The following MMAA variants were observed in gnomAD, a reference collection of about 807,000 sequenced individuals.
MMAA encodes the protein metabolism of cobalamin associated A.
Under a neutral mutation model 45.0 loss-of-function variants are expected in MMAA, and 41 were observed. The ratio of observed to expected loss-of-function variants is 0.91; its 90% confidence interval spans 0.71 to 1.18. MMAA has a LOEUF of 1.18. MMAA is among the 50% of genes most tolerant of loss of function. MMAA has a pLI of 0.00. For missense variants in MMAA, 460 were observed against 495.7 expected, an observed-to-expected ratio of 0.93 and a Z score of 0.68; for synonymous variants, 154 against 178.2, an observed-to-expected ratio of 0.86 and a Z score of 1.08.
chr4:145,619,540 A>T (rs1028115493), intron 1 of MMAA, 133 bp downstream of exon 1: 1 of 152,140 alleles, frequency 6.6e-6, no homozygotes, highest in African/African-American at 2.4e-5. Flanking sequence ...AAGGAAAAGG[A>T]GAGTATTATC....
chr4:145,639,443 G>A lies in MMAA; in HGVS notation c.304G>A (p.Ala102Thr), dbSNP rs1328584680. Reference sequence around the variant, plus strand: ...AATCCAAGGGCAAAGGGCCTGTTTAGCAGAGGCCATAACTCTTGTAGAATC... The same window carrying A: ...AATCCAAGGGCAAAGGGCCTGTTTAACAGAGGCCATAACTCTTGTAGAATC... ...GLIQGQRACLAEAITLVESTH... is the reference protein window; with the variant it reads ...GLIQGQRACLTEAITLVESTH... Residue 102 changes from alanine (A) to threonine (T), a missense_variant, in exon 2 of 7, where the codon GCA (alanine) becomes ACA (threonine). Physicochemically the swap from Ala to Thr is moderately conservative, Grantham distance 58. Coordinates refer to ENST00000649156, the MANE Select transcript of MMAA (RefSeq NM_172250.3). 21 of 1,614,154 alleles carry A rather than the reference G, an allele frequency of 1.3e-5. No homozygotes were observed. The highest frequency in any genetic ancestry group is 1.7e-5 in the Non-Finnish European group (20 of 1,180,038).
intron 1 of MMAA, among the ~76,000 whole-genome samples, chr4:145,629,918 G>T (rs1034373430): frequency 2.6e-5 from 4 of 152,074 alleles, no homozygotes; most frequent in African/African-American, 9.7e-5. Context: ...GGAGCTACAA[G>T]GTGAGATTTG....
chr4:145,648,471 G>T (rs1399960263), intron 4 of MMAA, among the ~76,000 whole-genome samples: 1 of 152,028 alleles, frequency 6.6e-6, no homozygotes, highest in African/African-American at 2.4e-5. Context: ...TCTAGATGAG[G>T]GGAACACAGC....
intron 1 of MMAA, among the ~76,000 whole-genome samples, chr4:145,629,762 G>C (rs1734289728): frequency 6.6e-6 from 1 of 152,226 alleles, no homozygotes; most frequent in Non-Finnish European, 1.5e-5. Context: ...CAGGCAGAAA[G>C]AGAACTTGTG....
In MMAA at chr4:145,656,814, A is replaced by T. The variant is rs1728246040; in HGVS notation, c.*1380A>T. The T allele has an allele frequency of 6.6e-6, 1 of 152,160 alleles. No homozygotes were observed. 9.4% of individuals were successfully genotyped at this position (152,160 alleles called of 1,614,324 possible). Reference sequence around the variant, plus strand: ...AGTATAGCAGCTTGCATTGTTACTTACTGTACTGGAATCAAACCTCTTGAG... The same window carrying T: ...AGTATAGCAGCTTGCATTGTTACTTTCTGTACTGGAATCAAACCTCTTGAG... On this transcript the variant is annotated 3_prime_UTR_variant, in exon 7 of 7. Coordinates refer to ENST00000649156, the MANE Select transcript of MMAA (RefSeq NM_172250.3).
chr4:145,628,486 C>T (rs987825398), intron 1 of MMAA, among the ~76,000 whole-genome samples: 1 of 152,186 alleles, frequency 6.6e-6, no homozygotes, highest in Non-Finnish European at 1.5e-5. Context: ...GGCCCTTTTA[C>T]TTCATCTTCA....
rs144389160 is a variant in MMAA, at chr4:145,646,010, G to T, written c.587G>T (p.Arg196Leu). ...GGATCACTCTTAGGTGATAAAACCC[G>T]AATGACTGAGTTATCAAGAGATATG... ...SGGSLLGDKT[R>L]MTELSRDMNA... The change falls in exon 4 of 7, where the codon CGA becomes CTA. Residue 196 changes from arginine to leucine, a missense_variant. Coordinates refer to ENST00000649156, the MANE Select transcript of MMAA (RefSeq NM_172250.3). 5 of 1,613,806 alleles carry T rather than the reference G, an allele frequency of 3.1e-6. No individual in the cohort carries two copies. The highest frequency in any genetic ancestry group is 4.2e-6 in the Non-Finnish European group (5 of 1,179,946).
At chr4:145,624,575 C>A in intron 1 of MMAA, 1 of 1,226,838 alleles carries the variant, frequency 8.2e-7, no homozygotes, top group Non-Finnish European at 1.2e-6. Flanking sequence ...AAGGAACCAG[C>A]AATTCTAGAA....
intron 1 of MMAA, among the ~76,000 whole-genome samples, chr4:145,629,423 T>G (rs915146179): frequency 2.6e-5 from 4 of 152,196 alleles, no homozygotes; most frequent in Admixed American, 2.0e-4. Flanking sequence ...CTTTTTAATG[T>G]ATTGTTGAAT....
chr4:145,624,476 C>T (rs1173881408), intron 1 of MMAA: 3 of 910,178 alleles, frequency 3.3e-6, no homozygotes, highest in Non-Finnish European at 5.3e-6. Flanking sequence ...TAGGCCCTTT[C>T]TTAGGACTTC....
intron 1 of MMAA, among the ~76,000 whole-genome samples, chr4:145,633,437 ATCTGCCCAGC>A: frequency 6.6e-6 from 1 of 151,966 alleles, no homozygotes; most frequent in Non-Finnish European, 1.5e-5. Flanking sequence ...ACCTCAGGTG[ATCTGCCCAGC>A]TCGGCCTCCC....
rs1728156819 is a variant in MMAA at position 145,653,792 on chromosome 4, AAG to A, written c.820-198_820-197del. ...TCAACATGTTAGTCTCTAAATTTGG[AAG>A]AGATATTACAGATGACTTCTATAAT... On this transcript the variant is annotated intron_variant, in intron 5 of 6. Transcript: ENST00000649156. Among the ~76,000 whole-genome samples the A allele has an allele frequency of 5.9e-5, 9 of 152,318 alleles. No individual in the cohort carries two copies. The South Asian group carries it at 1.9e-3, about 32-fold the overall frequency.
rs369128670 is a variant in MMAA at position 145,654,078 on chromosome 4, A to G, written c.904A>G (p.Ile302Val). 6.2e-7 allele frequency: 1 copy of G among 1,614,178 alleles called. No homozygotes were observed. The highest frequency in any genetic ancestry group is 8.5e-7 in the Non-Finnish European group (1 of 1,180,032). ...AGACTTGATTGTGCCAGCTCGAAGG[A>G]TACAAGCGGAATATGTGAGTGCACT... is the stretch of plus-strand genomic sequence containing the variant. ...DGDLIVPARR[I>V]QAEYVSALKL... The change falls in exon 6 of 7, where the codon ATA becomes GTA. Residue 302 changes from isoleucine to valine, a missense_variant. Ile to Val is a conservative substitution (Grantham distance 29). Transcript: ENST00000649156.
intron 1 of MMAA, among the ~76,000 whole-genome samples, chr4:145,628,242 C>G (rs1734244873): frequency 1.3e-5 from 2 of 152,258 alleles, no homozygotes; most frequent in Admixed American, 6.5e-5. Flanking sequence ...GTTACTTTTT[C>G]TTACCATAGA....
At chr4:145,620,748 T>C (rs1372496015) in intron 1 of MMAA, among the ~76,000 whole-genome samples, 1 of 152,178 alleles carries the variant, frequency 6.6e-6, no homozygotes, top group Non-Finnish European at 1.5e-5. Flanking sequence ...GAAAAAGTCC[T>C]AGAGACTGGG....
At chr4:145,647,098 A>T (rs1470748165) in intron 4 of MMAA, among the ~76,000 whole-genome samples, 1 of 152,198 alleles carries the variant, frequency 6.6e-6, no homozygotes, top group East Asian at 1.9e-4. Flanking sequence ...CCACTGTACT[A>T]ATCCCAGAAG....
intron 1 of MMAA, among the ~76,000 whole-genome samples, chr4:145,620,027 T>C (rs140910167): frequency 3.9e-5 from 6 of 152,246 alleles, no homozygotes; most frequent in Non-Finnish European, 2.9e-5. Flanking sequence ...AATTTTTTAT[T>C]ATCTGTCTTA....
intron 6 of MMAA, 147 bp downstream of exon 6, chr4:145,654,290 T>A (rs1728171081): frequency 1.0e-6 from 1 of 968,278 alleles, no homozygotes; most frequent in Non-Finnish European, 1.6e-6. Context: ...ACGGAGTGTG[T>A]AGTCATGATT....
chr4:145,636,464 C>T (rs1727611515), intron 1 of MMAA, among the ~76,000 whole-genome samples: 1 of 152,192 alleles, frequency 6.6e-6, no homozygotes, highest in South Asian at 2.1e-4. Flanking sequence ...TTGTCCACTG[C>T]CCACAAGACA....
Sources: gnomAD v4.1 joint callset for allele counts (sites outside exome capture counted in the v4.1 genomes callset) on GRCh38, gnomAD v4.1.1 for gene constraint, MANE v1.5 for transcripts, NCBI Gene and HGNC (gene_info 2026-07-23, HGNC 2026-07-21) for gene names.